The following PID1 variants were observed in gnomAD, a reference collection of about 807,000 sequenced individuals.
PID1 encodes the protein PTB-containing, cubilin and LRP1-interacting protein.
In PID1, 10 loss-of-function variants were observed where a neutral mutation model predicts 19.1. The ratio of observed to expected loss-of-function variants is 0.52; its 90% CI spans 0.32 to 0.89. PID1 has a LOEUF of 0.89. Among genes scored for constraint, PID1 ranks in the 40% least tolerant of loss-of-function variants. PID1 has a pLI of 0.03. For missense variants in PID1, 248 were observed against 285.3 expected, an observed-to-expected ratio of 0.87 and a Z score of 0.94; for synonymous variants, 130 against 116.0, an observed-to-expected ratio of 1.12 and a Z score of -0.78.
chr2:229,249,422 C>T (rs562863452), intron 1 of PID1, among the ~76,000 whole-genome samples: 2 of 152,116 alleles, frequency 1.3e-5, no homozygotes, highest in African/African-American at 4.8e-5. Context: ...AGAGAGATGA[C>T]AAAAAATAAA....
intron 2 of PID1, among the ~76,000 whole-genome samples, chr2:229,152,801 G>A (rs1336885569): frequency 6.6e-6 from 1 of 152,058 alleles, no homozygotes; most frequent in Non-Finnish European, 1.5e-5. Flanking sequence ...GATGAGCTAG[G>A]GTCTCAGTGG....
intron 2 of PID1, among the ~76,000 whole-genome samples, chr2:229,111,861 C>CA (rs1452309519): frequency 6.6e-6 from 1 of 152,126 alleles, no homozygotes; most frequent in African/African-American, 2.4e-5. Flanking sequence ...GGAATGAAGG[C>CA]AATTTGAAAA....
At chr2:229,226,038 T>TTCATTA (rs1185151526) in intron 1 of PID1, among the ~76,000 whole-genome samples, 18 of 152,342 alleles carry the variant, frequency 1.2e-4, no homozygotes, top group Admixed American at 1.3e-4. Flanking sequence ...CCTTCAGTGC[T>TTCATTA]TCATTATCTC....
At chr2:229,126,311 T>A (rs1378745447) in intron 2 of PID1, among the ~76,000 whole-genome samples, 1 of 152,158 alleles carries the variant, frequency 6.6e-6, no homozygotes, top group African/African-American at 2.4e-5. Flanking sequence ...GTTTTTCCCA[T>A]TGTGCTACAC....
At chr2:229,070,954 A>G (rs1439505863) in intron 2 of PID1, among the ~76,000 whole-genome samples, 1 of 152,150 alleles carries the variant, frequency 6.6e-6, no homozygotes, top group Non-Finnish European at 1.5e-5. Flanking sequence ...AAACAATCCA[A>G]CTGCAGTTCA....
intron 1 of PID1, among the ~76,000 whole-genome samples, chr2:229,183,459 G>C (rs1012221383): frequency 1.3e-5 from 2 of 152,148 alleles, no homozygotes; most frequent in African/African-American, 2.4e-5. Context: ...GGGTGTGTTG[G>C]GTGAGACTCA....
chr2:229,205,237 A>C (rs1422483368), intron 1 of PID1, among the ~76,000 whole-genome samples: 1 of 147,094 alleles, frequency 6.8e-6, no homozygotes, highest in Non-Finnish European at 1.5e-5. Flanking sequence ...TCACACATAC[A>C]TACTACATAC....
At chr2:229,099,089 T>A (rs1695027427) in intron 2 of PID1, among the ~76,000 whole-genome samples, 1 of 152,176 alleles carries the variant, frequency 6.6e-6, no homozygotes, top group Middle Eastern at 3.2e-3. Context: ...CCAGAACTCT[T>A]TCCCAACAAT....
chr2:229,163,482 C>G lies in PID1; in HGVS notation c.31-7518G>C, dbSNP rs554921263. Among the ~76,000 whole-genome samples the G allele has an allele frequency of 1.8e-4, 26 of 145,392 alleles. No homozygotes were observed. In the South Asian group the frequency reaches 5.6e-3, roughly 32 times the overall value. On this transcript the variant is annotated intron_variant, in intron 1 of 2. Transcript: ENST00000392055. ...GTTCACACAGCCATATTTATTCATG[C>G]AGCTTTGATCATGGAAGCATTTTTT...
chr2:229,046,347 AGTGTGTGTGT>A (rs35091766), intron 2 of PID1, among the ~76,000 whole-genome samples: 3 of 141,284 alleles, frequency 2.1e-5, no homozygotes, highest in Non-Finnish European at 3.1e-5. Context: ...AAATTAGGAA[AGTGTGTGTGT>A]GTGTGTGTGT....
chr2:229,226,261 G>A (rs147619708), intron 1 of PID1, among the ~76,000 whole-genome samples: 2,024 of 152,242 alleles, frequency 0.013, 17 homozygotes, highest in South Asian at 0.028. Context: ...TAGATCTGTG[G>A]CCCAGTCCAA....
chr2:229,174,993 T>C (rs1215569413), intron 1 of PID1, among the ~76,000 whole-genome samples: 1 of 151,964 alleles, frequency 6.6e-6, no homozygotes, highest in African/African-American at 2.4e-5. Context: ...AGCTCAAACA[T>C]CCCCAAGGAG....
intron 2 of PID1, among the ~76,000 whole-genome samples, chr2:229,056,676 C>T (rs1439341661): frequency 1.4e-5 from 1 of 69,698 alleles, no homozygotes; most frequent in East Asian, 4.0e-4. Flanking sequence ...TTTTTCCCTC[C>T]CTTCCCAATG....
At chr2:229,052,558 T>C (rs567280344) in intron 2 of PID1, among the ~76,000 whole-genome samples, 5 of 149,250 alleles carry the variant, frequency 3.4e-5, no homozygotes, top group Non-Finnish European at 5.9e-5. Context: ...CTTTTTTTTT[T>C]CAACAAATGG....
intron 1 of PID1, among the ~76,000 whole-genome samples, chr2:229,199,720 T>TTATTTA (rs1553575994): frequency 7.6e-6 from 1 of 132,170 alleles, no homozygotes; most frequent in Non-Finnish European, 1.6e-5. Context: ...AATATCTAAT[T>TTATTTA]TATATATATA....
At chr2:229,236,642 T>C (rs1226989) in intron 1 of PID1, 47,367 of 151,876 alleles carry the variant, frequency 0.31, 8,345 homozygotes, top group East Asian at 0.68. Context: ...AGCAGAGAGA[T>C]AGCAGATAAG....
Position 229,241,933 on chromosome 2 carries a change from TACTAGTA to T in PID1, c.30+29074_30+29080del, listed in dbSNP as rs957277533. Among the ~76,000 whole-genome samples the T allele has an allele frequency of 3.9e-5, 6 of 152,206 alleles. 1 individual carries two copies. Among genetic ancestry groups the T allele is most frequent in the African/African-American group, 1.2e-4 (5 of 41,462 alleles). On this transcript the variant is annotated intron_variant, in intron 1 of 2. Transcript: ENST00000392055. ...AGTACCCTTTTTCTCCCTTGTAAAA[TACTAGTA>T]ACTAGTAACTAGTAACACAGTACCT...
chr2:229,168,974 C>T (rs1574686607), intron 1 of PID1, among the ~76,000 whole-genome samples: 1 of 152,152 alleles, frequency 6.6e-6, no homozygotes, highest in East Asian at 1.9e-4. Context: ...TCCATTATTG[C>T]CTCAATATTC....
At chr2:229,069,143 T>TTTTTTTTTTTTGTGTGTG (rs369977117) in intron 2 of PID1, among the ~76,000 whole-genome samples, 1 of 140,630 alleles carries the variant, frequency 7.1e-6, no homozygotes, top group African/African-American at 2.7e-5. Context: ...AGAAGGGTTT[T>TTTTTTTTTTTTGTGTGTG]TGTGTGTGTG....
Sources: allele counts gnomAD v4.1 joint callset (sites outside exome capture counted in the v4.1 genomes callset), GRCh38; gene constraint gnomAD v4.1.1; transcripts MANE v1.5; gene names NCBI Gene and HGNC (gene_info 2026-07-23, HGNC 2026-07-21).